The following GABRA2 variants were observed in gnomAD, a reference collection of about 807,000 sequenced individuals.
GABRA2 encodes gamma-aminobutyric acid type A receptor subunit alpha2.
Under a neutral mutation model 48.7 loss-of-function variants are expected in GABRA2, and 16 were observed. The ratio of observed to expected loss-of-function variants is 0.33; its 90% CI spans 0.22 to 0.50. GABRA2 has a LOEUF of 0.50. Among genes scored for constraint, GABRA2 ranks in the 20% least tolerant of loss-of-function variants. The probability of loss-of-function intolerance (pLI) is 0.98; values close to 1 mark genes in which losing one functional copy is unlikely to be tolerated. For synonymous variants in GABRA2, 185 were observed against 184.5 expected (o/e 1.00, Z -0.02); for missense variants, 275 against 535.6 (o/e 0.51, Z 4.80).
chr4:46,353,886 G>T (rs1033842427), intron 3 of GABRA2, among the ~76,000 whole-genome samples: 7 of 152,016 alleles, frequency 4.6e-5, no homozygotes, highest in Non-Finnish European at 1.5e-5. Context: ...CACTATGTTT[G>T]TTATTTATTT....
intron 8 of GABRA2, among the ~76,000 whole-genome samples, chr4:46,265,933 A>G (rs1304786789): frequency 6.6e-6 from 1 of 151,946 alleles, no homozygotes; most frequent in African/African-American, 2.4e-5. Flanking sequence ...TTTCATGGTT[A>G]TTTAGAAATG....
intron 8 of GABRA2, among the ~76,000 whole-genome samples, chr4:46,276,629 A>G (rs1720566224): frequency 6.6e-6 from 1 of 150,684 alleles, no homozygotes; most frequent in African/African-American, 2.4e-5. Flanking sequence ...GCGTAGTTTG[A>G]TGTCATAATG....
At chr4:46,382,248 C>T (rs147444224) in intron 3 of GABRA2, among the ~76,000 whole-genome samples, 227 of 151,014 alleles carry the variant, frequency 1.5e-3, no homozygotes, top group African/African-American at 5.1e-3. Context: ...TGAAATTGGG[C>T]AAAAGGGATC....
intron 3 of GABRA2, among the ~76,000 whole-genome samples, chr4:46,381,658 C>T (rs771051300): frequency 6.6e-5 from 10 of 152,046 alleles, no homozygotes; most frequent in Non-Finnish European, 1.0e-4. Context: ...ACTATTCCTG[C>T]GAGATATAAA....
In GABRA2 at chr4:46,246,169, G is replaced by A. The variant is rs909941228; in HGVS notation, c.*4139C>T. Among the ~76,000 whole-genome samples, 4 of 150,624 alleles carry A rather than the reference G, an allele frequency of 2.7e-5. No individual in the cohort carries two copies. Among genetic ancestry groups the A allele is most frequent in the East Asian group, 2.0e-4 (1 of 5,106 alleles). On this transcript the variant is annotated 3_prime_UTR_variant, in exon 10 of 10. Transcript: ENST00000381620. ...ATATGTATAATTTATCTACTTTCTC[G>A]GAAGTTAAAAAGGGAAAAATGCTTC...
intron 3 of GABRA2, among the ~76,000 whole-genome samples, chr4:46,336,607 G>A (rs974038758): frequency 6.6e-6 from 1 of 152,152 alleles, no homozygotes; most frequent in African/African-American, 2.4e-5. Flanking sequence ...AAAATACAAG[G>A]TTGATAACAG....
intron 3 of GABRA2, among the ~76,000 whole-genome samples, chr4:46,376,474 C>T (rs1242880700): frequency 1.3e-5 from 2 of 152,172 alleles, no homozygotes; most frequent in Non-Finnish European, 2.9e-5. Flanking sequence ...CCAAAGTAAG[C>T]ATCCCTCAAA....
chr4:46,322,039 T>C lies in GABRA2; in HGVS notation c.256-9323A>G, dbSNP rs16859313. ...ACGGCATATATTGCTAACAGAGAAC[T>C]ACCAATAGAACCAGTTCAGTAAAAA... On this transcript the variant is annotated intron_variant, in intron 4 of 9. Coordinates refer to ENST00000381620, the MANE Select transcript of GABRA2 (RefSeq NM_000807.4). Among the ~76,000 whole-genome samples the C allele has an allele frequency of 8.8e-3, 1,335 of 152,064 alleles. 24 individuals are homozygous for C. Among genetic ancestry groups the C allele is most frequent in the African/African-American group, 0.031 (1,293 of 41,520 alleles).
At chr4:46,261,697 G>C in intron 9 of GABRA2, 1 of 602,750 alleles carries the variant, frequency 1.7e-6, no homozygotes, top group Non-Finnish European at 2.9e-6. Context: ...TTAGCACAGT[G>C]CCTGACACAT....
At chr4:46,378,218 G>C (rs923587637) in intron 3 of GABRA2, among the ~76,000 whole-genome samples, 18 of 152,206 alleles carry the variant, frequency 1.2e-4, no homozygotes, top group Non-Finnish European at 1.5e-4. Flanking sequence ...GAATGGAAAG[G>C]GGGGAAGGGT....
At chr4:46,372,701 C>A (rs1560595651) in intron 3 of GABRA2, among the ~76,000 whole-genome samples, 1 of 152,120 alleles carries the variant, frequency 6.6e-6, no homozygotes, top group Non-Finnish European at 1.5e-5. Flanking sequence ...TAATTTTATT[C>A]CAATGCTAAA....
intron 4 of GABRA2, among the ~76,000 whole-genome samples, chr4:46,317,325 AG>A (rs1384513532): frequency 6.6e-6 from 1 of 151,910 alleles, no homozygotes; most frequent in Non-Finnish European, 1.5e-5. Context: ...CGGCTTACAA[AG>A]TAAAGTGTGT....
At chr4:46,273,151 T>C (rs1024547447) in intron 8 of GABRA2, among the ~76,000 whole-genome samples, 10 of 151,788 alleles carry the variant, frequency 6.6e-5, no homozygotes, top group South Asian at 2.1e-4. Context: ...GGTAGTATTG[T>C]TTTTCCTTCC....
intron 5 of GABRA2, among the ~76,000 whole-genome samples, chr4:46,310,521 C>A (rs1206652464): frequency 6.6e-6 from 1 of 152,190 alleles, no homozygotes; most frequent in East Asian, 1.9e-4. Context: ...ATTACATATG[C>A]ATTTTAAATG....
At chr4:46,265,396 A>G (rs1213366730) in intron 8 of GABRA2, among the ~76,000 whole-genome samples, 8 of 137,228 alleles carry the variant, frequency 5.8e-5, no homozygotes, top group Admixed American at 3.9e-4. Flanking sequence ...ATATATATAT[A>G]ATATATTGTG....
At chr4:46,253,072 G>C (rs1715119171) in intron 9 of GABRA2, among the ~76,000 whole-genome samples, 2 of 151,400 alleles carry the variant, frequency 1.3e-5, no homozygotes, top group Admixed American at 6.6e-5. Flanking sequence ...TTTTGTTGAA[G>C]AACTCAAGGA....
chr4:46,251,128 A>C (rs1714668341), intron 9 of GABRA2, among the ~76,000 whole-genome samples: 1 of 151,508 alleles, frequency 6.6e-6, no homozygotes, highest in African/African-American at 2.4e-5. Flanking sequence ...CTAGAAACAC[A>C]GAAGGAGAAT....
At chr4:46,376,302 G>T (rs1715690434) in intron 3 of GABRA2, among the ~76,000 whole-genome samples, 1 of 152,140 alleles carries the variant, frequency 6.6e-6, no homozygotes, top group Admixed American at 6.5e-5. Flanking sequence ...TTTATCTGTA[G>T]CAATCAAAAT....
At chr4:46,287,044 T>C (rs1176922635) in intron 8 of GABRA2, among the ~76,000 whole-genome samples, 1 of 152,146 alleles carries the variant, frequency 6.6e-6, no homozygotes. Context: ...TGAAGATTTA[T>C]CCTTATTTTT....
Sources: gnomAD v4.1 joint callset for allele counts (sites outside exome capture counted in the v4.1 genomes callset) on GRCh38, gnomAD v4.1.1 for gene constraint, MANE v1.5 for transcripts, NCBI Gene and HGNC (gene_info 2026-07-23, HGNC 2026-07-21) for gene names.